Variants in TNIK observed in about 807,000 individuals in gnomAD.
TNIK encodes the protein TRAF2 and NCK interacting kinase.
In TNIK, 49 loss-of-function variants were observed where a neutral mutation model predicts 191.3. That is an observed-to-expected ratio of 0.26 (90% CI 0.20 to 0.32). The LOEUF (loss-of-function observed/expected upper bound fraction) is 0.32, where lower values mean the gene tolerates loss of function less well. TNIK is among the 10% of genes least tolerant of loss of function. TNIK has a pLI of 1.00. For missense variants in TNIK, 1,155 were observed against 1,702.3 expected (o/e 0.68, Z 5.66); for synonymous variants, 594 against 600.9 (o/e 0.99, Z 0.17).
chr3:171,072,667 G>A (rs1000906052), intron 28 of TNIK, among the ~76,000 whole-genome samples: 1 of 152,084 alleles, frequency 6.6e-6, no homozygotes, highest in Non-Finnish European at 1.5e-5. Context: ...CTTATGCCTA[G>A]AAAACCCTAA....
At chr3:171,321,370 A>T (rs1755147950) in intron 2 of TNIK, among the ~76,000 whole-genome samples, 1 of 152,216 alleles carries the variant, frequency 6.6e-6, no homozygotes, top group South Asian at 2.1e-4. Context: ...AAAGTAAACC[A>T]AAATTGTCTA....
Position 171,177,457 on chromosome 3 carries a change from G to C in TNIK, c.640-77C>G, listed in dbSNP as rs1045166556. 2.7e-6 allele frequency: 4 copies of C among 1,501,388 alleles called. No homozygotes were observed. The African/African-American group carries it at 5.6e-5, about 21-fold the overall frequency. The allele number at this position is 1,501,388 out of a possible 1,614,324, so 93.0% of individuals were successfully genotyped here. Reference sequence around the variant, plus strand: ...TTGGTTAAACCTGGTAATTGCTTCAGAACTTCCTGTGAAAGTCATTCAGTT... The same window carrying C: ...TTGGTTAAACCTGGTAATTGCTTCACAACTTCCTGTGAAAGTCATTCAGTT... On this transcript the variant is annotated intron_variant, in intron 7 of 32. Coordinates refer to ENST00000436636, the MANE Select transcript of TNIK (RefSeq NM_015028.4).
chr3:171,225,440 A>G (rs1329381576), intron 3 of TNIK: 1 of 364,440 alleles, frequency 2.7e-6, no homozygotes, highest in Non-Finnish European at 5.4e-6. Flanking sequence ...AGCCCTCCTC[A>G]ATAGGAGTTC....
chr3:171,079,848 G>A lies in TNIK; in HGVS notation c.3314-196C>T, dbSNP rs534540091. ...ACTTATGGTTAAAATAGCTCTACGT[G>A]TTTTAGACACATCACAGAATTACAA... On this transcript the variant is annotated intron_variant, in intron 27 of 32. Coordinates refer to ENST00000436636, the MANE Select transcript of TNIK (RefSeq NM_015028.4). 6.6e-5 allele frequency among the ~76,000 whole-genome samples: 10 copies of A among 152,318 alleles called. No homozygotes were observed. The South Asian group carries it at 1.9e-3, about 28-fold the overall frequency.
At chr3:171,191,935 C>T (rs779436715) in intron 5 of TNIK, among the ~76,000 whole-genome samples, 20 of 152,254 alleles carry the variant, frequency 1.3e-4, no homozygotes, top group South Asian at 2.1e-4. Flanking sequence ...TTCAATGTAT[C>T]GGGTCCCCGA....
At chr3:171,383,741 C>T (rs996848406) in intron 1 of TNIK, among the ~76,000 whole-genome samples, 2 of 152,186 alleles carry the variant, frequency 1.3e-5, no homozygotes, top group Non-Finnish European at 2.9e-5. Context: ...CAGTAAAGGT[C>T]ATCTTGGGGT....
intron 2 of TNIK, among the ~76,000 whole-genome samples, chr3:171,339,145 T>C (rs1429967626): frequency 6.6e-6 from 1 of 152,218 alleles, no homozygotes; most frequent in African/African-American, 2.4e-5. Flanking sequence ...GGCACTAAGT[T>C]ACCTCCCATC....
At chr3:171,412,498 A>C (rs1029689972) in intron 1 of TNIK, among the ~76,000 whole-genome samples, 1 of 152,244 alleles carries the variant, frequency 6.6e-6, no homozygotes, top group Non-Finnish European at 1.5e-5. Flanking sequence ...TTTAAAAATC[A>C]TAAAAGAGAT....
intron 28 of TNIK, among the ~76,000 whole-genome samples, chr3:171,073,439 A>T (rs761372518): frequency 4.6e-5 from 7 of 152,140 alleles, no homozygotes; most frequent in Admixed American, 6.5e-5. Context: ...ACCTAGGAAA[A>T]ACTCTTCTGG....
chr3:171,085,158 G>C lies in TNIK; in HGVS notation c.2958C>G (p.Pro986=). The stretch of plus-strand genomic sequence containing the variant: ...CCTCATCCTCTTCATCTTCATCAGT[G>C]GGAGACGTCTGGTATACTCTGGGGT... ...FVDPRVYQTS[P]TDEDEEDEES... Residue 986 remains proline, a synonymous_variant, in exon 25 of 33, where the codon CCC becomes CCG. Coordinates refer to ENST00000436636, the MANE Select transcript of TNIK (RefSeq NM_015028.4). 6.2e-7 allele frequency: 1 copy of C among 1,611,800 alleles called. No homozygotes were observed. Among genetic ancestry groups the C allele is most frequent in the Non-Finnish European group, 8.5e-7 (1 of 1,179,024 alleles).
intron 4 of TNIK, among the ~76,000 whole-genome samples, chr3:171,203,871 A>G (rs1210421842): frequency 6.6e-6 from 1 of 152,222 alleles, no homozygotes; most frequent in Non-Finnish European, 1.5e-5. Context: ...CTTGATGAAT[A>G]GATTATTGAG....
In TNIK at chr3:171,302,564, ACCCG is replaced by A. The variant is rs1324003905; in HGVS notation, c.123+67052_123+67055del. On this transcript the variant is annotated intron_variant, in intron 2 of 32. Transcript: ENST00000436636. ...TAACCAAACCTTGGCTCCAATGGGA[ACCCG>A]AACATTAGACTTTAAAATTTTCTTT... is the stretch of plus-strand genomic sequence containing the variant. Among the ~76,000 whole-genome samples the A allele has an allele frequency of 1.4e-3, 211 of 152,314 alleles. 4 individuals are homozygous for A. The East Asian group carries it at 0.032, about 23-fold the overall frequency.
chr3:171,415,978 A>AAAG (rs1201318809), intron 1 of TNIK, among the ~76,000 whole-genome samples: 1 of 144,826 alleles, frequency 6.9e-6, no homozygotes, highest in Non-Finnish European at 1.5e-5. Flanking sequence ...TGTCTCAAAA[A>AAAG]AAAAAAAAAA....
At chr3:171,330,841 T>C (rs1756348331) in intron 2 of TNIK, among the ~76,000 whole-genome samples, 1 of 152,098 alleles carries the variant, frequency 6.6e-6, no homozygotes, top group South Asian at 2.1e-4. Flanking sequence ...ATTCTTACCC[T>C]ACGACCCCGA....
intron 1 of TNIK, among the ~76,000 whole-genome samples, chr3:171,438,995 A>T (rs1316374821): frequency 6.6e-6 from 1 of 152,142 alleles, no homozygotes; most frequent in Admixed American, 6.5e-5. Flanking sequence ...AAGCATTCCC[A>T]CTATTTATTT....
intron 25 of TNIK, among the ~76,000 whole-genome samples, chr3:171,084,851 G>C (rs1721137207): frequency 6.6e-6 from 1 of 152,146 alleles, no homozygotes; most frequent in African/African-American, 2.4e-5. Context: ...GTTATGTTCA[G>C]AGATCACTGA....
intron 8 of TNIK, among the ~76,000 whole-genome samples, chr3:171,177,109 C>CTT (rs80076554): frequency 1.9e-4 from 27 of 145,848 alleles, no homozygotes; most frequent in South Asian, 6.5e-4. Flanking sequence ...CTTTTTCTTC[C>CTT]TTTTTTTTTT....
chr3:171,325,085 A>G (rs1484190818), intron 2 of TNIK, among the ~76,000 whole-genome samples: 2 of 152,036 alleles, frequency 1.3e-5, no homozygotes, highest in African/African-American at 4.8e-5. Flanking sequence ...TGGGCAACAG[A>G]GCCAGACTGT....
chr3:171,066,841 C>G, intron 30 of TNIK, 106 bp from the exon 31 acceptor site: 1 of 1,355,398 alleles, frequency 7.4e-7, no homozygotes. Flanking sequence ...TTTTCATTGT[C>G]ACCCTAAAGA....
Sources: allele counts gnomAD v4.1 joint callset (sites outside exome capture counted in the v4.1 genomes callset), GRCh38; gene constraint gnomAD v4.1.1; transcripts MANE v1.5; gene names NCBI Gene and HGNC (gene_info 2026-07-23, HGNC 2026-07-21).